Variants in MARCHF7 observed in about 807,000 individuals in gnomAD.
MARCHF7 encodes the protein membrane associated ring-CH-type finger 7.
In MARCHF7, 20 loss-of-function variants were observed where a neutral mutation model predicts 76.5. The ratio of observed to expected loss-of-function variants is 0.26; its 90% confidence interval spans 0.18 to 0.38. The LOEUF (loss-of-function observed/expected upper bound fraction) is 0.38, where lower values mean the gene tolerates loss of function less well. Among genes scored for constraint, MARCHF7 ranks in the 10% least tolerant of loss-of-function variants. The pLI is 1.00. For missense variants in MARCHF7, 797 were observed against 812.9 expected, an observed-to-expected ratio of 0.98 and a Z score of 0.24; for synonymous variants, 295 against 293.0, an observed-to-expected ratio of 1.01 and a Z score of -0.07.
chr2:159,758,361 A>G (rs905703600), intron 8 of MARCHF7, among the ~76,000 whole-genome samples: 2 of 152,198 alleles, frequency 1.3e-5, no homozygotes, highest in Non-Finnish European at 2.9e-5. Flanking sequence ...AAATAACATA[A>G]AATATGCCAT....
At chr2:159,715,279 T>A (rs1482509967) in intron 2 of MARCHF7, among the ~76,000 whole-genome samples, 1 of 151,992 alleles carries the variant, frequency 6.6e-6, no homozygotes, top group African/African-American at 2.4e-5. Context: ...TTTATCTTAA[T>A]ATACAGCATT....
chr2:159,765,905 T>A (rs1202071316), intron 11 of MARCHF7, among the ~76,000 whole-genome samples: 1 of 152,162 alleles, frequency 6.6e-6, no homozygotes, highest in Non-Finnish European at 1.5e-5. Context: ...CAAAGGTCTC[T>A]TCTTTGTTTT....
intron 6 of MARCHF7, among the ~76,000 whole-genome samples, chr2:159,747,481 G>T (rs936659526): frequency 6.6e-6 from 1 of 151,844 alleles, no homozygotes; most frequent in African/African-American, 2.4e-5. Flanking sequence ...TTAAATACTA[G>T]ATATTATTGT....
chr2:159,728,579 A>G (rs1389628244), intron 3 of MARCHF7, among the ~76,000 whole-genome samples: 1 of 152,220 alleles, frequency 6.6e-6, no homozygotes, highest in Non-Finnish European at 1.5e-5. Context: ...TGGGGAATGT[A>G]TAGACTTTCC....
chr2:159,748,708 C>G lies in MARCHF7; in HGVS notation c.1418C>G (p.Thr473Arg), dbSNP rs1006778177. ...GATTCGGCTCAAGGTGGAAGAAATACAGGAATATCAGGGATTCTTCCTGGT... is the reference window on the plus strand; with the variant it reads ...GATTCGGCTCAAGGTGGAAGAAATAGAGGAATATCAGGGATTCTTCCTGGT... ...TSDSAQGGRNTGISGILPGSL... is the reference protein window; with the variant it reads ...TSDSAQGGRNRGISGILPGSL... Residue 473 changes from threonine to arginine, a missense_variant, in exon 7 of 12, where the codon ACA becomes AGA. Thr to Arg is a moderately conservative substitution (Grantham distance 71, BLOSUM62 -1). Coordinates refer to ENST00000409175, the MANE Select transcript of MARCHF7 (RefSeq NM_001282805.2). The G allele has an allele frequency of 3.7e-6, 6 of 1,614,146 alleles. No individual in the cohort carries two copies. The East Asian group carries it at 1.3e-4, about 36-fold the overall frequency.
chr2:159,726,934 T>G (rs1702241253), intron 3 of MARCHF7, among the ~76,000 whole-genome samples: 1 of 152,218 alleles, frequency 6.6e-6, no homozygotes, highest in Non-Finnish European at 1.5e-5. Context: ...TACAGGAACA[T>G]GCTGTAAAGA....
chr2:159,746,009 A>G, intron 6 of MARCHF7, 72 bp downstream of exon 6: 2 of 1,253,822 alleles, frequency 1.6e-6, no homozygotes, highest in Non-Finnish European at 2.3e-6. Flanking sequence ...TTACTAAAAC[A>G]ACAGTACAAA....
chr2:159,752,383 A>G lies in MARCHF7; in HGVS notation c.1614-19A>G, dbSNP rs771332138. The G allele has an allele frequency of 3.9e-6, 6 of 1,547,856 alleles. No homozygotes were observed. The highest frequency in any genetic ancestry group is 3.7e-5 in the South Asian group (3 of 80,924). On this transcript the variant is annotated intron_variant, in intron 7 of 11. Coordinates refer to ENST00000409175, the MANE Select transcript of MARCHF7 (RefSeq NM_001282805.2). ...AGGATGAGTTATGATAGCTTTGGGA[A>G]ATGTGCCTTCTTTTCCAGCCTCCTT... is the stretch of plus-strand genomic sequence containing the variant.
chr2:159,726,277 TTTTG>T (rs1702162230), intron 3 of MARCHF7, among the ~76,000 whole-genome samples: 1 of 143,468 alleles, frequency 7.0e-6, no homozygotes, highest in African/African-American at 2.6e-5. Flanking sequence ...TTGTTTTGTT[TTTTG>T]ATACCGAGTC....
At chr2:159,758,630 C>T (rs1706623325) in intron 8 of MARCHF7, among the ~76,000 whole-genome samples, 1 of 152,144 alleles carries the variant, frequency 6.6e-6, no homozygotes, top group Non-Finnish European at 1.5e-5. Flanking sequence ...TTTCATTTAG[C>T]ATAATGTTTT....
In MARCHF7 at chr2:159,767,360, G is replaced by A; in HGVS notation, c.*18G>A. Reference sequence around the variant, plus strand: ...TTGCCTAACTTCATATAAGACAGATGGATGATCTGTGAACATAAGTGTTTA... The same window carrying A: ...TTGCCTAACTTCATATAAGACAGATAGATGATCTGTGAACATAAGTGTTTA... On this transcript the variant is annotated 3_prime_UTR_variant, in exon 12 of 12. Transcript: ENST00000409175. 1 of 1,565,636 alleles carries A rather than the reference G, an allele frequency of 6.4e-7. No individual in the cohort carries two copies. Among genetic ancestry groups the A allele is most frequent in the Non-Finnish European group, 8.8e-7 (1 of 1,137,822 alleles).
chr2:159,770,889 C>CTTTA lies in MARCHF7; in HGVS notation c.*3549_*3552dup, dbSNP rs1043208116. On this transcript the variant is annotated 3_prime_UTR_variant, in exon 12 of 12. Transcript: ENST00000409175. The stretch of plus-strand genomic sequence containing the variant: ...CTAATTTACGTGAAATTTATACATT[C>CTTTA]TTTATCTTTCCTGTTTTTGGTTTAT... 1 of 152,072 alleles carries CTTTA rather than the reference C, an allele frequency of 6.6e-6. No homozygotes were observed. 9.4% of individuals were successfully genotyped at this position (152,072 alleles called of 1,614,324 possible).
chr2:159,750,254 G>A (rs1560018989), intron 7 of MARCHF7, among the ~76,000 whole-genome samples: 1 of 152,146 alleles, frequency 6.6e-6, no homozygotes, highest in Admixed American at 6.5e-5. Flanking sequence ...TAGGCCGGGC[G>A]CAGTGGTTCA....
In MARCHF7 at chr2:159,732,177, A is replaced by G. The variant is rs185475431; in HGVS notation, c.153+3002A>G. On this transcript the variant is annotated intron_variant, in intron 4 of 11. Transcript: ENST00000409175. ...ATGACTTCAAAATGACCCCACCTAA[A>G]TGATGGTTGTAGTAACATATTAGTG... is the stretch of plus-strand genomic sequence containing the variant. Among the ~76,000 whole-genome samples, 690 of 152,292 alleles carry G rather than the reference A, an allele frequency of 4.5e-3. 10 individuals are homozygous for G. Among genetic ancestry groups the G allele is most frequent in the South Asian group, 0.016 (79 of 4,828 alleles).
Position 159,722,512 on chromosome 2 carries a change from A to G in MARCHF7, c.-14-6497A>G, listed in dbSNP as rs149060615. ...GTAGTTTGTTCCATATTAGACTACA[A>G]TTTCTTTACAGGCACCATCTCAGAA... is the stretch of plus-strand genomic sequence containing the variant. On this transcript the variant is annotated intron_variant, in intron 3 of 11. Coordinates refer to ENST00000409175, the MANE Select transcript of MARCHF7 (RefSeq NM_001282805.2). Among the ~76,000 whole-genome samples, 10 of 152,274 alleles carry G rather than the reference A, an allele frequency of 6.6e-5. No individual in the cohort carries two copies. The East Asian group carries it at 1.7e-3, about 26-fold the overall frequency.
Position 159,768,527 on chromosome 2 carries a change from TG to T in MARCHF7, c.*1187del, listed in dbSNP as rs1230794228. The T allele has an allele frequency of 6.6e-6, 1 of 152,644 alleles. No homozygotes were observed. Among genetic ancestry groups the T allele is most frequent in the Non-Finnish European group, 1.5e-5 (1 of 68,012 alleles). The allele number at this position is 152,644 out of a possible 1,614,324, so 9.5% of individuals were successfully genotyped here. On this transcript the variant is annotated 3_prime_UTR_variant, in exon 12 of 12. Transcript: ENST00000409175. ...AACAGTTTGCCCACACTTAGTTTGT[TG>T]GTCTTATGTAAAACATTGGCTCAAA...
chr2:159,733,897 T>A, intron 4 of MARCHF7: 2 of 1,213,950 alleles, frequency 1.6e-6, no homozygotes, highest in Non-Finnish European at 2.1e-6. Flanking sequence ...TAGCATTGTT[T>A]CTTTGGGAAA....
In MARCHF7 at chr2:159,748,785, A is replaced by C. The variant is rs1705213988; in HGVS notation, c.1495A>C (p.Asn499His). ...PPALGSNLTD[N>H]VMITVDIIPS... ...AGCACTTGGGAGTAATTTGACCGAC[A>C]ATGTCATGATCACAGTAGATATTAT... The change falls in exon 7 of 12, where the codon AAT (asparagine) becomes CAT (histidine). Residue 499 changes from asparagine to histidine, a missense_variant. By Grantham distance (68) the Asn-to-His change is moderately conservative. This residue lies in a region of MARCHF7 where 643 missense variants were observed against 631.5 expected (regional missense o/e 1.02). Transcript: ENST00000409175. The C allele has an allele frequency of 6.2e-7, 1 of 1,614,038 alleles. No homozygotes were observed. The highest frequency in any genetic ancestry group is 1.7e-5 in the Admixed American group (1 of 59,974).
chr2:159,720,875 C>G (rs192582068), intron 3 of MARCHF7, among the ~76,000 whole-genome samples: 1 of 152,108 alleles, frequency 6.6e-6, no homozygotes, highest in Non-Finnish European at 1.5e-5. Context: ...CGCAACCGCT[C>G]AAGACAGAGT....
Sources: allele counts gnomAD v4.1 joint callset (sites outside exome capture counted in the v4.1 genomes callset), GRCh38; gene constraint gnomAD v4.1.1; regional missense constraint gnomAD v4.1.1; transcripts MANE v1.5; gene names NCBI Gene and HGNC (gene_info 2026-07-23, HGNC 2026-07-21).